The following VWC2 variants were observed in gnomAD, a reference collection of about 807,000 sequenced individuals.
The protein encoded by VWC2 is von Willebrand factor C domain containing 2, also known as brorin.
A neutral mutation model predicts 29.8 loss-of-function variants in VWC2; 14 were observed. The ratio of observed to expected loss-of-function variants is 0.47; its 90% CI spans 0.31 to 0.74. The LOEUF is 0.74. Among genes scored for constraint, VWC2 ranks in the 30% least tolerant of loss-of-function variants. The probability of loss-of-function intolerance (pLI) is 0.05; values close to 1 mark genes in which losing one functional copy is unlikely to be tolerated. For synonymous variants in VWC2, 213 were observed against 199.0 expected, an observed-to-expected ratio of 1.07 and a Z score of -0.59; for missense variants, 457 against 459.8, an observed-to-expected ratio of 0.99 and a Z score of 0.05.
At chr7:49,819,941 C>T (rs1163032808) in intron 3 of VWC2, among the ~76,000 whole-genome samples, 3 of 152,122 alleles carry the variant, frequency 2.0e-5, no homozygotes, top group Admixed American at 6.5e-5. Flanking sequence ...CCTGTATCTG[C>T]TTCTTCTTAA....
At position 49,918,331 on chromosome 7, in the gene VWC2, G is replaced by C. The variant is rs1178710089; in HGVS notation, c.*6146G>C. On this transcript the variant is annotated 3_prime_UTR_variant, in exon 4 of 4. Coordinates refer to ENST00000340652, the MANE Select transcript of VWC2 (RefSeq NM_198570.5). The stretch of plus-strand genomic sequence containing the variant: ...TTTGTGTTTAGGTCAGGGACCTCTA[G>C]AAAATAGACAGAAATTTCCAAAATG... The C allele has an allele frequency of 6.6e-6, 1 of 152,140 alleles. No homozygotes were observed. The highest frequency in any genetic ancestry group is 2.4e-5 in the African/African-American group (1 of 41,444). The allele number at this position is 152,140 out of a possible 1,614,324, so 9.4% of individuals were successfully genotyped here. A position where few individuals can be genotyped will look rare whatever the true frequency, so the allele number is the denominator to read the frequency against.
chr7:49,779,377 A>G (rs1291807098), intron 2 of VWC2, among the ~76,000 whole-genome samples: 1 of 152,228 alleles, frequency 6.6e-6, no homozygotes, highest in East Asian at 1.9e-4. Flanking sequence ...CACTGACTCC[A>G]CAAAATACCA....
At chr7:49,811,567 T>C (rs1460522818) in intron 3 of VWC2, among the ~76,000 whole-genome samples, 1 of 152,204 alleles carries the variant, frequency 6.6e-6, no homozygotes, top group Non-Finnish European at 1.5e-5. Context: ...CTTTCCTTTA[T>C]AAATAACCCA....
At chr7:49,891,128 T>A (rs756737880) in intron 3 of VWC2, among the ~76,000 whole-genome samples, 1 of 152,240 alleles carries the variant, frequency 6.6e-6, no homozygotes, top group Non-Finnish European at 1.5e-5. Flanking sequence ...AGGGACACTT[T>A]AACTGCAGGA....
intron 3 of VWC2, among the ~76,000 whole-genome samples, chr7:49,865,899 T>C (rs888294869): frequency 2.0e-5 from 3 of 152,216 alleles, no homozygotes; most frequent in African/African-American, 7.2e-5. Flanking sequence ...AGTGGAACAA[T>C]GTCCTTAAGA....
At chr7:49,909,375 A>G (rs531814847) in intron 3 of VWC2, among the ~76,000 whole-genome samples, 13 of 152,162 alleles carry the variant, frequency 8.5e-5, no homozygotes, top group Non-Finnish European at 1.8e-4. Flanking sequence ...ATGAGTAATT[A>G]GGGAAATTTT....
chr7:49,807,295 T>A (rs1421859763), intron 3 of VWC2, among the ~76,000 whole-genome samples: 1 of 152,184 alleles, frequency 6.6e-6, no homozygotes, highest in African/African-American at 2.4e-5. Flanking sequence ...TCAAACTGAT[T>A]CTAAAATCCA....
In VWC2 at chr7:49,808,669, G is replaced by C. The variant is rs1217634712; in HGVS notation, c.826+5829G>C. ...AATTTAAAGGACTTAATCATATAAA[G>C]TTTCTTTTTTGAACACAACAGAATT... On this transcript the variant is annotated intron_variant, in intron 3 of 3. Transcript: ENST00000340652. Among the ~76,000 whole-genome samples, 3 of 151,940 alleles carry C rather than the reference G, an allele frequency of 2.0e-5. No individual in the cohort carries two copies. In the South Asian group the frequency reaches 6.2e-4, roughly 31 times the overall value.
rs970187449 is a variant in VWC2 at position 49,919,890 on chromosome 7, T to G, written c.*7705T>G. On this transcript the variant is annotated 3_prime_UTR_variant, in exon 4 of 4. Coordinates refer to ENST00000340652, the MANE Select transcript of VWC2 (RefSeq NM_198570.5). ...GAGCTTGATACAAAAATCATTATGT[T>G]CTATATATGTTTTTGTAGGTTTTAG... The G allele has an allele frequency of 1.3e-5, 2 of 152,224 alleles. No individual in the cohort carries two copies. The highest frequency in any genetic ancestry group is 6.5e-5 in the Admixed American group (1 of 15,286). The allele number at this position is 152,224 out of a possible 1,614,324, so 9.4% of individuals were successfully genotyped here. A position where few individuals can be genotyped will look rare whatever the true frequency, so the allele number is the denominator to read the frequency against.
At chr7:49,872,973 T>C (rs1336117921) in intron 3 of VWC2, among the ~76,000 whole-genome samples, 1 of 103,078 alleles carries the variant, frequency 9.7e-6, no homozygotes, top group Non-Finnish European at 2.2e-5. Context: ...TCCAAATAAA[T>C]AATTCTCTAA....
chr7:49,870,804 T>A (rs1472656471), intron 3 of VWC2, among the ~76,000 whole-genome samples: 1 of 152,190 alleles, frequency 6.6e-6, no homozygotes, highest in Non-Finnish European at 1.5e-5. Flanking sequence ...AAAAAAGGAA[T>A]ATAGACTGTG....
chr7:49,852,746 A>T (rs1301392356), intron 3 of VWC2, among the ~76,000 whole-genome samples: 1 of 152,112 alleles, frequency 6.6e-6, no homozygotes, highest in Non-Finnish European at 1.5e-5. Context: ...TGATCGTCTT[A>T]ATCAACTTCT....
chr7:49,782,009 C>T (rs1032415972), intron 2 of VWC2, among the ~76,000 whole-genome samples: 3 of 152,086 alleles, frequency 2.0e-5, no homozygotes, highest in Non-Finnish European at 2.9e-5. Flanking sequence ...ACAGGTGGCC[C>T]AAGAGGAAGA....
rs186639321 is a variant in VWC2 at position 49,856,221 on chromosome 7, T to C, written c.826+53381T>C. 2.4e-4 allele frequency among the ~76,000 whole-genome samples: 37 copies of C among 152,244 alleles called. No individual in the cohort carries two copies. The East Asian group carries it at 4.1e-3, about 17-fold the overall frequency. On this transcript the variant is annotated intron_variant, in intron 3 of 3. Coordinates refer to ENST00000340652, the MANE Select transcript of VWC2 (RefSeq NM_198570.5). ...GGAGATGGGGCCTAGTGGGAGGTGTTTGAGTCATGAGGGTGGATTCTGCAT... is the reference window on the plus strand; with the variant it reads ...GGAGATGGGGCCTAGTGGGAGGTGTCTGAGTCATGAGGGTGGATTCTGCAT...
intron 3 of VWC2, among the ~76,000 whole-genome samples, chr7:49,871,651 C>A (rs1363461718): frequency 6.6e-6 from 1 of 151,590 alleles, no homozygotes; most frequent in Admixed American, 6.6e-5. Context: ...AATGGAATGT[C>A]ATGGAAAGAA....
At chr7:49,832,406 C>T (rs534473959) in intron 3 of VWC2, among the ~76,000 whole-genome samples, 2 of 152,126 alleles carry the variant, frequency 1.3e-5, no homozygotes, top group African/African-American at 4.8e-5. Flanking sequence ...ATAGAGAATT[C>T]TATTCTCTAT....
intron 3 of VWC2, among the ~76,000 whole-genome samples, chr7:49,830,067 T>C (rs1282170236): frequency 6.6e-6 from 1 of 152,210 alleles, no homozygotes; most frequent in Non-Finnish European, 1.5e-5. Context: ...ACTCTATATT[T>C]TTCTTCCTTC....
chr7:49,799,054 G>A (rs1324294928), intron 2 of VWC2, among the ~76,000 whole-genome samples: 1 of 152,204 alleles, frequency 6.6e-6, no homozygotes, highest in Non-Finnish European at 1.5e-5. Context: ...TGGCGGAGTG[G>A]GCTCAGGGGG....
chr7:49,789,113 AGAGT>A (rs879299316), intron 2 of VWC2, among the ~76,000 whole-genome samples: 1,394 of 120,926 alleles, frequency 0.012, 24 homozygotes, highest in African/African-American at 0.052. Context: ...AGAGATTGAG[AGAGT>A]GTAGTGTGTG....
Sources: gnomAD v4.1 joint callset for allele counts (sites outside exome capture counted in the v4.1 genomes callset) on GRCh38, gnomAD v4.1.1 for gene constraint, MANE v1.5 for transcripts, NCBI Gene and HGNC (gene_info 2026-07-23, HGNC 2026-07-21) for gene names.